The following SNX29 variants were observed in gnomAD, a reference collection of about 807,000 sequenced individuals.
SNX29 encodes sorting nexin-29.
SNX29 carries 78 observed loss-of-function variants against 102.1 expected under a neutral mutation model. The observed-to-expected ratio is 0.76, with a 90% CI of 0.64 to 0.92. The LOEUF is 0.92. Ranked by LOEUF, SNX29 falls within the 40% of genes least tolerant of loss-of-function variation. The pLI is 0.00. For missense variants in SNX29, 1,280 were observed against 1,061.7 expected, an observed-to-expected ratio of 1.21 and a Z score of -2.86; for synonymous variants, 580 against 414.5, an observed-to-expected ratio of 1.40 and a Z score of -4.85.
At chr16:12,214,980 C>T (rs1049485034) in intron 14 of SNX29, among the ~76,000 whole-genome samples, 6 of 152,166 alleles carry the variant, frequency 3.9e-5, no homozygotes, top group Non-Finnish European at 8.8e-5. Context: ...CTGTTGTGCA[C>T]CTAGCTTCCA....
intron 3 of SNX29, among the ~76,000 whole-genome samples, chr16:12,015,081 T>C (rs953276738): frequency 1.1e-4 from 16 of 152,238 alleles, no homozygotes; most frequent in Non-Finnish European, 2.2e-4. Context: ...TATTTTTCCA[T>C]GCGTACACAA....
chr16:12,054,371 T>C (rs754986443), intron 8 of SNX29, among the ~76,000 whole-genome samples: 1 of 152,238 alleles, frequency 6.6e-6, no homozygotes, highest in South Asian at 2.1e-4. Context: ...GATGCCCAGA[T>C]TGAATATTCT....
intron 4 of SNX29, among the ~76,000 whole-genome samples, chr16:12,036,737 G>T (rs1437398376): frequency 1.3e-5 from 2 of 152,146 alleles, no homozygotes; most frequent in Admixed American, 6.5e-5. Flanking sequence ...CCGCATGGCT[G>T]TGGAGCACAG....
intron 20 of SNX29, among the ~76,000 whole-genome samples, chr16:12,555,530 C>T (rs1331591032): frequency 1.3e-5 from 2 of 151,648 alleles, no homozygotes; most frequent in Non-Finnish European, 2.9e-5. Context: ...CGCCCCTGCT[C>T]TCTGGGAGGT....
chr16:12,009,493 G>A (rs1361086713), intron 3 of SNX29, among the ~76,000 whole-genome samples: 2 of 147,034 alleles, frequency 1.4e-5, no homozygotes, highest in Non-Finnish European at 3.0e-5. Flanking sequence ...ATATATATAT[G>A]TATATTTGAT....
At chr16:12,182,373 G>A (rs1253519587) in intron 13 of SNX29, among the ~76,000 whole-genome samples, 1 of 152,092 alleles carries the variant, frequency 6.6e-6, no homozygotes, top group Non-Finnish European at 1.5e-5. Flanking sequence ...GAAATTAAAG[G>A]CGAACAGGCA....
At chr16:12,243,237 C>A (rs2078165601) in intron 14 of SNX29, among the ~76,000 whole-genome samples, 1 of 152,224 alleles carries the variant, frequency 6.6e-6, no homozygotes, top group African/African-American at 2.4e-5. Flanking sequence ...TGATGCCACT[C>A]TAGGGCGTAT....
intron 19 of SNX29, among the ~76,000 whole-genome samples, chr16:12,508,585 G>A (rs1340454645): frequency 6.6e-6 from 1 of 152,206 alleles, no homozygotes; most frequent in Non-Finnish European, 1.5e-5. Context: ...AGCAGACAGA[G>A]CTGGCCCTGC....
intron 1 of SNX29, among the ~76,000 whole-genome samples, chr16:11,998,273 C>T (rs1357448344): frequency 2.0e-5 from 3 of 152,188 alleles, no homozygotes; most frequent in Admixed American, 6.5e-5. Flanking sequence ...GTGCATCATA[C>T]TCCGGGCTTT....
chr16:12,335,236 C>CAG (rs2081412040), intron 15 of SNX29, among the ~76,000 whole-genome samples: 1 of 152,058 alleles, frequency 6.6e-6, no homozygotes, highest in Admixed American at 6.5e-5. Flanking sequence ...AACTCCAGGA[C>CAG]AGCAGGGAGG....
intron 15 of SNX29, among the ~76,000 whole-genome samples, chr16:12,295,938 T>C (rs1390980586): frequency 6.6e-6 from 1 of 152,248 alleles, no homozygotes; most frequent in Non-Finnish European, 1.5e-5. Context: ...TTTCCAAAAA[T>C]GAGTCTTTTA....
At chr16:12,166,234 G>C (rs770074538) in intron 13 of SNX29, among the ~76,000 whole-genome samples, 1 of 152,176 alleles carries the variant, frequency 6.6e-6, no homozygotes, top group Non-Finnish European at 1.5e-5. Context: ...CAAAATACTT[G>C]GGATACAGAG....
At chr16:12,014,158 C>G (rs1047136027) in intron 3 of SNX29, among the ~76,000 whole-genome samples, 47 of 152,204 alleles carry the variant, frequency 3.1e-4, no homozygotes, top group African/African-American at 1.1e-3. Flanking sequence ...AGGCTGTGGA[C>G]TTTGACCAGA....
intron 13 of SNX29, among the ~76,000 whole-genome samples, chr16:12,147,867 T>G (rs2141561640): frequency 6.6e-6 from 1 of 152,282 alleles, no homozygotes; most frequent in African/African-American, 2.4e-5. Context: ...CAATGTGACA[T>G]CACTGCCAAG....
intron 15 of SNX29, among the ~76,000 whole-genome samples, chr16:12,303,364 A>C (rs1288095141): frequency 6.6e-6 from 1 of 152,228 alleles, no homozygotes; most frequent in Non-Finnish European, 1.5e-5. Flanking sequence ...AAGAGAGTCG[A>C]TTTTTAAAAA....
In SNX29 at chr16:12,032,679, C is replaced by A. The variant is rs73515648; in HGVS notation, c.247+5235C>A. On this transcript the variant is annotated intron_variant, in intron 4 of 20. Coordinates refer to ENST00000566228, the MANE Select transcript of SNX29 (RefSeq NM_032167.5). ...TTTTCCACTTTTAGTTCTTTTGGGG[C>A]ATACACCCAGAAGGACAATGTTGGA... is the stretch of plus-strand genomic sequence containing the variant. Among the ~76,000 whole-genome samples, 444 of 152,096 alleles carry A rather than the reference C, an allele frequency of 2.9e-3. 1 individual carries two copies. The highest frequency in any genetic ancestry group is 0.01 in the African/African-American group (425 of 41,492).
At chr16:12,323,750 G>T (rs1389355134) in intron 15 of SNX29, among the ~76,000 whole-genome samples, 1 of 152,162 alleles carries the variant, frequency 6.6e-6, no homozygotes, top group African/African-American at 2.4e-5. Flanking sequence ...TGGAGTTTGA[G>T]TGCCATTTTT....
intron 20 of SNX29, among the ~76,000 whole-genome samples, chr16:12,565,545 C>A (rs987944845): frequency 6.6e-6 from 1 of 152,182 alleles, no homozygotes; most frequent in Non-Finnish European, 1.5e-5. Context: ...AGGATTGAAC[C>A]ATCCCTGTGT....
At chr16:12,340,641 C>A (rs1018316714) in intron 15 of SNX29, among the ~76,000 whole-genome samples, 2 of 152,144 alleles carry the variant, frequency 1.3e-5, no homozygotes, top group African/African-American at 4.8e-5. Flanking sequence ...ACCTGGTGGC[C>A]AGGTAGACAA....
Sources: allele counts gnomAD v4.1 joint callset (sites outside exome capture counted in the v4.1 genomes callset), GRCh38; gene constraint gnomAD v4.1.1; transcripts MANE v1.5; gene names NCBI Gene and HGNC (gene_info 2026-07-23, HGNC 2026-07-21).